PCBD2: variants seen among roughly 807,000 people sequenced by gnomAD.
The protein encoded by PCBD2 is pterin-4 alpha-carbinolamine dehydratase 2.
PCBD2 carries 12 observed loss-of-function variants against 16.4 expected under a neutral mutation model. The ratio of observed to expected loss-of-function variants is 0.73; its 90% CI spans 0.47 to 1.19. PCBD2 has a LOEUF of 1.19. Ranked by LOEUF, PCBD2 falls within the 50% of genes most tolerant of loss-of-function variation. The pLI, the probability that PCBD2 is intolerant of heterozygous loss-of-function variation, is 0.00. For missense variants in PCBD2, 138 were observed against 156.8 expected, an observed-to-expected ratio of 0.88 and a Z score of 0.64; for synonymous variants, 58 against 61.8, an observed-to-expected ratio of 0.94 and a Z score of 0.29.
chr5:134,905,616 C>T (rs1243543195), intron 1 of PCBD2: 1 of 181,188 alleles, frequency 5.5e-6, no homozygotes, highest in African/African-American at 2.3e-5. Flanking sequence ...TGGCGGCTCC[C>T]TGCTCGCGCT....
rs77760247 is a variant in PCBD2 at position 134,929,700 on chromosome 5, A to G, written c.216+19234A>G. The stretch of plus-strand genomic sequence containing the variant: ...CAGACTTATTTTTTAAATTAAAAAC[A>G]TTGTTTTTAGAGATGGGGTCTTCCT... On this transcript the variant is annotated intron_variant, in intron 2 of 3. Transcript: ENST00000254908. Among the ~76,000 whole-genome samples the G allele has an allele frequency of 3.4e-3, 512 of 152,264 alleles. 8 individuals are homozygous for G. In the East Asian group the frequency reaches 0.037, roughly 11 times the overall value.
intron 2 of PCBD2, chr5:134,925,895 A>G (rs1200983562): frequency 2.5e-6 from 1 of 392,968 alleles, no homozygotes; most frequent in African/African-American, 2.1e-5. Flanking sequence ...TGTAGGAGAA[A>G]TCATGCTAGG....
chr5:134,958,900 G>A, intron 2 of PCBD2, 140 bp from the exon 3 acceptor site: 1 of 631,084 alleles, frequency 1.6e-6, no homozygotes, highest in Non-Finnish European at 2.8e-6. Flanking sequence ...CCTGCAGAGA[G>A]CAGTCCTTTC....
At chr5:134,926,743 G>T (rs1480208052) in intron 2 of PCBD2, 6 of 397,436 alleles carry the variant, frequency 1.5e-5, no homozygotes, top group African/African-American at 1.2e-4. Context: ...GTGTTTTCTC[G>T]TGTGAATGAG....
chr5:134,942,769 T>C (rs1751244853), intron 2 of PCBD2, among the ~76,000 whole-genome samples: 1 of 152,144 alleles, frequency 6.6e-6, no homozygotes, highest in South Asian at 2.1e-4. Flanking sequence ...TTGGTTCATA[T>C]CATCTCATCT....
At chr5:134,946,722 T>A (rs187860347) in intron 2 of PCBD2, among the ~76,000 whole-genome samples, 1 of 152,286 alleles carries the variant, frequency 6.6e-6, no homozygotes, top group East Asian at 1.9e-4. Flanking sequence ...AAGCCAAACT[T>A]AGGTGTTGCT....
chr5:134,920,783 G>A (rs980471194), intron 2 of PCBD2, among the ~76,000 whole-genome samples: 1 of 152,022 alleles, frequency 6.6e-6, no homozygotes, highest in Non-Finnish European at 1.5e-5. Context: ...AGCCTCTCAA[G>A]TAGCTGGGAT....
intron 2 of PCBD2, among the ~76,000 whole-genome samples, chr5:134,938,467 A>G (rs1296743393): frequency 6.6e-6 from 1 of 152,214 alleles, no homozygotes; most frequent in East Asian, 1.9e-4. Context: ...GATTTTCACC[A>G]TATGACGAGG....
intron 1 of PCBD2, chr5:134,905,616 C>G: frequency 5.5e-6 from 1 of 181,306 alleles, no homozygotes; most frequent in Non-Finnish European, 1.1e-5. Flanking sequence ...TGGCGGCTCC[C>G]TGCTCGCGCT....
intron 2 of PCBD2, among the ~76,000 whole-genome samples, chr5:134,932,461 C>T (rs1751110218): frequency 6.6e-6 from 1 of 152,112 alleles, no homozygotes; most frequent in Non-Finnish European, 1.5e-5. Context: ...CCTGCTTCAG[C>T]CTCTCAAGTA....
At chr5:134,905,355 G>A in intron 1 of PCBD2, 132 bp downstream of exon 1, 2 of 786,546 alleles carry the variant, frequency 2.5e-6, no homozygotes, top group Non-Finnish European at 1.7e-6. Context: ...TCGGGCGTCG[G>A]GTCACCGCGT....
At chr5:134,947,424 C>A (rs1267021601) in intron 2 of PCBD2, among the ~76,000 whole-genome samples, 3 of 118,176 alleles carry the variant, frequency 2.5e-5, no homozygotes, top group Non-Finnish European at 5.0e-5. Context: ...GACGGAGTCT[C>A]GCTCTGTCAC....
chr5:134,946,993 T>C (rs1269444474), intron 2 of PCBD2, among the ~76,000 whole-genome samples: 3 of 152,158 alleles, frequency 2.0e-5, no homozygotes, highest in Non-Finnish European at 2.9e-5. Flanking sequence ...ACTGGAATTA[T>C]GTAGTGTTAG....
chr5:134,927,902 G>A (rs1197566712), intron 2 of PCBD2: 2 of 397,032 alleles, frequency 5.0e-6, no homozygotes, highest in African/African-American at 4.1e-5. Flanking sequence ...GGTTGTTGTT[G>A]ATTTGGTTGA....
chr5:134,938,694 G>T (rs765376887), intron 2 of PCBD2, among the ~76,000 whole-genome samples: 1 of 152,186 alleles, frequency 6.6e-6, no homozygotes, highest in Non-Finnish European at 1.5e-5. Flanking sequence ...ATGCTTGAAT[G>T]CTGTCTGAGA....
At chr5:134,909,354 T>C (rs189781114) in intron 1 of PCBD2, among the ~76,000 whole-genome samples, 4 of 152,382 alleles carry the variant, frequency 2.6e-5, no homozygotes, top group Admixed American at 1.3e-4. Context: ...CCCCAGAAGT[T>C]AGATAAAATC....
At chr5:134,937,568 A>G (rs962970017) in intron 2 of PCBD2, among the ~76,000 whole-genome samples, 1 of 152,260 alleles carries the variant, frequency 6.6e-6, no homozygotes, top group Non-Finnish European at 1.5e-5. Context: ...CACAGCGGAC[A>G]TCCGCTAATC....
chr5:134,907,056 C>T (rs1580875008), intron 1 of PCBD2, among the ~76,000 whole-genome samples: 1 of 152,142 alleles, frequency 6.6e-6, no homozygotes, highest in East Asian at 1.9e-4. Flanking sequence ...CTGATCTTAG[C>T]GGGGATGTGG....
chr5:134,914,325 A>T (rs1349818582), intron 2 of PCBD2, among the ~76,000 whole-genome samples: 1 of 152,054 alleles, frequency 6.6e-6, no homozygotes, highest in Non-Finnish European at 1.5e-5. Context: ...TAAGAGAAGG[A>T]GTGGAATAGT....
Sources: gnomAD v4.1 joint callset for allele counts (sites outside exome capture counted in the v4.1 genomes callset) on GRCh38, gnomAD v4.1.1 for gene constraint, MANE v1.5 for transcripts, NCBI Gene and HGNC (gene_info 2026-07-23, HGNC 2026-07-21) for gene names.